The following CCDC190 variants were observed in gnomAD, a reference collection of about 807,000 sequenced individuals.
CCDC190 encodes coiled-coil domain containing 190, also known as coiled-coil domain-containing protein 190.
In CCDC190, 10 loss-of-function variants were observed where a neutral mutation model predicts 13.1. That is an observed-to-expected ratio of 0.77 (90% CI 0.47 to 1.30). CCDC190 has a LOEUF of 1.30. Among genes scored for constraint, CCDC190 ranks in the 50% most tolerant of loss-of-function variants. The probability of loss-of-function intolerance (pLI) is 0.00; values close to 1 mark genes in which losing one functional copy is unlikely to be tolerated. For synonymous variants in CCDC190, 136 were observed against 127.2 expected, an observed-to-expected ratio of 1.07 and a Z score of -0.47; for missense variants, 375 against 354.3, an observed-to-expected ratio of 1.06 and a Z score of -0.47.
rs1047700563 is a variant in CCDC190, at chr1:162,851,423, A to G, written c.*3342T>C. ...GGTACTCTTGGTGTGAGGGCAAAAC[A>G]CTTGCCCAAGCGTGATTCCCTCTGT... is the stretch of plus-strand genomic sequence containing the variant. On this transcript the variant is annotated 3_prime_UTR_variant, in exon 4 of 4. Coordinates refer to ENST00000367912, the MANE Select transcript of CCDC190 (RefSeq NM_001394065.1). The G allele has an allele frequency of 3.3e-5, 5 of 151,040 alleles. No homozygotes were observed. The highest frequency in any genetic ancestry group is 4.9e-5 in the African/African-American group (2 of 40,952). 9.4% of individuals were successfully genotyped at this position (151,040 alleles called of 1,614,324 possible). A position where few individuals can be genotyped will look rare whatever the true frequency, so the allele number is the denominator to read the frequency against.
upstream of CCDC190, among the ~76,000 whole-genome samples, chr1:162,865,008 C>T (rs576719334): frequency 5.3e-5 from 8 of 151,600 alleles, no homozygotes; most frequent in Admixed American, 1.3e-4. Context: ...AGAAATAAAC[C>T]GAAAACACTT....
chr1:162,859,581 C>T lies in CCDC190; in HGVS notation c.66G>A (p.Lys22=). The T allele has an allele frequency of 6.2e-7, 1 of 1,613,958 alleles. No homozygotes were observed. The highest frequency in any genetic ancestry group is 1.1e-5 in the South Asian group (1 of 91,068). The change falls in exon 2 of 4, where the codon AAG becomes AAA. Residue 22 remains lysine (K), a synonymous_variant. Coordinates refer to ENST00000367912, the MANE Select transcript of CCDC190 (RefSeq NM_001394065.1). ...TTTGGTCCAGTCTGGCTTCAGCCTG[C>T]TTGGCATTCTTCCTCTCCAAATCAA... is the stretch of plus-strand genomic sequence containing the variant. ...KHFDLERKNA[K]QAEARLDQRL...
In CCDC190 at chr1:162,859,655, T is replaced by C. The variant is rs761591961; in HGVS notation, c.-9A>G. On this transcript the variant is annotated 5_prime_UTR_variant, in exon 2 of 4. Coordinates refer to ENST00000367912, the MANE Select transcript of CCDC190 (RefSeq NM_001394065.1). ...ACCATGTGCCTCTCCATCTTCTTTA[T>C]GGTCTAGAGACAATAAGGTATCACA... 3.7e-6 allele frequency: 6 copies of C among 1,611,014 alleles called. No homozygotes were observed. The highest frequency in any genetic ancestry group is 5.1e-6 in the Non-Finnish European group (6 of 1,178,718).
rs1208118687 is a variant in CCDC190, at chr1:162,854,753, T to G, written c.*12A>C. 1 of 1,589,594 alleles carries G rather than the reference T, an allele frequency of 6.3e-7. No homozygotes were observed. The highest frequency in any genetic ancestry group is 1.7e-5 in the Admixed American group (1 of 57,814). On this transcript the variant is annotated 3_prime_UTR_variant, in exon 4 of 4. Transcript: ENST00000367912. ...ATAATGGCATATGTTATTGTCAGGC[T>G]ATGTTAAACGGTTAGAGAGGAAGAA...
In CCDC190 at chr1:162,852,599, A is replaced by T. The variant is rs1650145332; in HGVS notation, c.*2166T>A. 1 of 152,960 alleles carries T rather than the reference A, an allele frequency of 6.5e-6. No individual in the cohort carries two copies. The allele number at this position is 152,960 out of a possible 1,614,324, so 9.5% of individuals were successfully genotyped here. A position where few individuals can be genotyped will look rare whatever the true frequency, so the allele number is the denominator to read the frequency against. ...TTTGGCGATGCATGGAATATTATTT[A>T]AAACAGGATGTACTAAAATATTGAT... On this transcript the variant is annotated 3_prime_UTR_variant, in exon 4 of 4. Transcript: ENST00000367912.
rs1023768835 is a variant in CCDC190 at position 162,855,169 on chromosome 1, C to T, written c.502G>A (p.Val168Ile). The T allele has an allele frequency of 9.3e-6, 15 of 1,613,848 alleles. No homozygotes were observed. Among genetic ancestry groups the T allele is most frequent in the Middle Eastern group, 1.6e-4 (1 of 6,082 alleles). Residue 168 changes from valine to isoleucine, a missense_variant, in exon 4 of 4, where the codon GTA becomes ATA. Coordinates refer to ENST00000367912, the MANE Select transcript of CCDC190 (RefSeq NM_001394065.1). ...EKDSVNPSKD[V>I]DPSKGISVPC... Reference sequence around the variant, plus strand: ...ACAGAGATGCCCTTGCTGGGGTCTACGTCCTTAGATGGATTCACAGAATCT... The same window carrying T: ...ACAGAGATGCCCTTGCTGGGGTCTATGTCCTTAGATGGATTCACAGAATCT...
At position 162,853,084 on chromosome 1, in the gene CCDC190, A is replaced by G. The variant is rs1222462090; in HGVS notation, c.*1681T>C. 2.6e-6 allele frequency: 4 copies of G among 1,538,874 alleles called. No homozygotes were observed. Among genetic ancestry groups the G allele is most frequent in the Non-Finnish European group, 3.5e-6 (4 of 1,136,438 alleles). ...CCTCTGTTGCTTTGCTTCATGGAAG[A>G]AAGTGTTGGAGGAAGCAGATTTCTT... On this transcript the variant is annotated 3_prime_UTR_variant, in exon 4 of 4. Transcript: ENST00000367912.
chr1:162,867,668 A>C (rs10799878), intron 1 of CCDC190, among the ~76,000 whole-genome samples: 23,704 of 152,238 alleles, frequency 0.16, 1,829 homozygotes, highest in Middle Eastern at 0.19. Context: ...AATAGTCGCA[A>C]ACTGGAAACA....
At chr1:162,859,339 T>C (rs1239561684) in intron 2 of CCDC190, 121 bp downstream of exon 2, 15 of 865,882 alleles carry the variant, frequency 1.7e-5, no homozygotes, top group Non-Finnish European at 2.4e-5. Flanking sequence ...AAGTCCTGGC[T>C]GTGATCAAAA....
upstream of CCDC190, among the ~76,000 whole-genome samples, chr1:162,865,472 G>A (rs1364421736): frequency 6.6e-6 from 1 of 152,092 alleles, no homozygotes; most frequent in African/African-American, 2.4e-5. Context: ...CATTTATCAA[G>A]ATAGACCACA....
Position 162,854,941 on chromosome 1 carries a change from T to C in CCDC190, c.730A>G (p.Thr244Ala), listed in dbSNP as rs750181807. 5.0e-6 allele frequency: 8 copies of C among 1,614,058 alleles called. No individual in the cohort carries two copies. The South Asian group carries it at 6.6e-5, about 13-fold the overall frequency. ...GCCTTTGAAAGCAACTCTAAGAAGGTTGGCTTTGTGAACTCGCCTTCGAAG... is the reference window on the plus strand; with the variant it reads ...GCCTTTGAAAGCAACTCTAAGAAGGCTGGCTTTGTGAACTCGCCTTCGAAG... ...GSFEGEFTKPTFLELLSKARN... is the reference protein window; with the variant it reads ...GSFEGEFTKPAFLELLSKARN... Residue 244 changes from threonine (T) to alanine (A), a missense_variant, in exon 4 of 4, where the codon ACC becomes GCC. Transcript: ENST00000367912.
At position 162,855,145 on chromosome 1, in the gene CCDC190, C is replaced by T. The variant is rs774270862; in HGVS notation, c.526G>A (p.Val176Ile). The change falls in exon 4 of 4, where the codon GTT (valine) becomes ATT (isoleucine). Residue 176 changes from valine (V) to isoleucine (I), a missense_variant. Physicochemically the swap from Val to Ile is conservative, Grantham distance 29. Transcript: ENST00000367912. ...GAAACCTCTTGATTTTGGCATGGAA[C>T]AGAGATGCCCTTGCTGGGGTCTACG... ...KDVDPSKGIS[V>I]PCQNQEVSTN... 1.2e-6 allele frequency: 2 copies of T among 1,613,914 alleles called. No homozygotes were observed. The highest frequency in any genetic ancestry group is 2.2e-5 in the East Asian group (1 of 44,884).
Position 162,853,381 on chromosome 1 carries a change from G to A in CCDC190, c.*1384C>T, listed in dbSNP as rs1246096489. On this transcript the variant is annotated 3_prime_UTR_variant, in exon 4 of 4. Coordinates refer to ENST00000367912, the MANE Select transcript of CCDC190 (RefSeq NM_001394065.1). The stretch of plus-strand genomic sequence containing the variant: ...TTGCAAAGAAAACTTTTGCAGCATT[G>A]TTTTGAGGATCAGTTGGCATGCTGT... Among the ~76,000 whole-genome samples, 1 of 152,192 alleles carries A rather than the reference G, an allele frequency of 6.6e-6. No individual in the cohort carries two copies. Among genetic ancestry groups the A allele is most frequent in the East Asian group, 1.9e-4 (1 of 5,202 alleles).
At chr1:162,864,405 C>G (rs1447709237), upstream of CCDC190, among the ~76,000 whole-genome samples, 1 of 151,920 alleles carries the variant, frequency 6.6e-6, no homozygotes, top group Admixed American at 6.6e-5. Context: ...AAAAATTATA[C>G]CAGATGGAAA....
upstream of CCDC190, among the ~76,000 whole-genome samples, chr1:162,861,907 A>G (rs1480795054): frequency 6.6e-6 from 1 of 152,116 alleles, no homozygotes; most frequent in African/African-American, 2.4e-5. Flanking sequence ...GCAGGCAGCT[A>G]AACAGGCCCT....
upstream of CCDC190, among the ~76,000 whole-genome samples, chr1:162,864,113 A>C (rs768588028): frequency 1.1e-4 from 16 of 152,178 alleles, no homozygotes; most frequent in Non-Finnish European, 2.1e-4. Flanking sequence ...ATAAAGAGAT[A>C]ATCTTAAAAA....
At chr1:162,861,548 C>T (rs1237244555), upstream of CCDC190, among the ~76,000 whole-genome samples, 1 of 151,984 alleles carries the variant, frequency 6.6e-6, no homozygotes, top group Non-Finnish European at 1.5e-5. Context: ...CATGACTGTT[C>T]ACACTTCGTG....
At chr1:162,860,864 G>T in intron 1 of CCDC190, 144 bp downstream of exon 1, 1 of 234,726 alleles carries the variant, frequency 4.3e-6, no homozygotes, top group Non-Finnish European at 7.0e-6. Context: ...GCCGAGGTTT[G>T]GTGATTATAA....
chr1:162,857,894 T>C (rs375005281), intron 2 of CCDC190, among the ~76,000 whole-genome samples: 1 of 152,212 alleles, frequency 6.6e-6, no homozygotes, highest in Non-Finnish European at 1.5e-5. Context: ...TGGTCTGAAA[T>C]ACAGCTGTCC....
Sources: allele counts gnomAD v4.1 joint callset (sites outside exome capture counted in the v4.1 genomes callset), GRCh38; gene constraint gnomAD v4.1.1; transcripts MANE v1.5; gene names NCBI Gene and HGNC (gene_info 2026-07-23, HGNC 2026-07-21).